Variants in TRA2A observed in about 807,000 individuals in gnomAD.
The protein encoded by TRA2A is transformer 2 alpha homolog, also known as transformer-2 protein homolog alpha.
A neutral mutation model predicts 45.7 loss-of-function variants in TRA2A; 31 were observed. The observed-to-expected ratio is 0.68, with a 90% CI of 0.51 to 0.92. TRA2A has a LOEUF of 0.92. Among genes scored for constraint, TRA2A ranks in the 40% least tolerant of loss-of-function variants. The pLI, the probability that TRA2A is intolerant of heterozygous loss-of-function variation, is 0.00. For missense variants in TRA2A, 304 were observed against 367.5 expected (o/e 0.83, Z 1.41); for synonymous variants, 132 against 126.2 (o/e 1.05, Z -0.31).
At chr7:23,509,072 C>A (rs1475137442) in intron 4 of TRA2A, among the ~76,000 whole-genome samples, 1 of 151,888 alleles carries the variant, frequency 6.6e-6, no homozygotes. Flanking sequence ...TCTCAAACTC[C>A]TGGGCTCAAG....
At chr7:23,528,882 T>A (rs539787539) in intron 1 of TRA2A, among the ~76,000 whole-genome samples, 1 of 151,826 alleles carries the variant, frequency 6.6e-6, no homozygotes, top group African/African-American at 2.4e-5. Context: ...CCAGAAGAAA[T>A]CCTGAAAAGG....
rs377361159 is a variant in TRA2A at position 23,517,911 on chromosome 7, CAACAAACA to C, written c.171-1391_171-1384del. Among the ~76,000 whole-genome samples the C allele has an allele frequency of 2.7e-4, 41 of 150,560 alleles. 1 individual carries two copies. The highest frequency in any genetic ancestry group is 7.5e-4 in the African/African-American group (31 of 41,120). ...TGGGAACAAGCACAAAACTCTGTCTCAACAAACAAACAAACAAACAAAATCCTTTTTGA... is the reference window on the plus strand; with the variant it reads ...TGGGAACAAGCACAAAACTCTGTCTCAACAAACAAACAAAATCCTTTTTGA... On this transcript the variant is annotated intron_variant, in intron 2 of 7. Transcript: ENST00000297071.
rs909259568 is a variant in TRA2A at position 23,520,018 on chromosome 7, G to A, written c.170+1689C>T. ...CGAGGTGGGCGGATCACCTGAGGCA[G>A]GAGTACAAGACCAGCCTGGCCAACA... On this transcript the variant is annotated intron_variant, in intron 2 of 7. Transcript: ENST00000297071. Among the ~76,000 whole-genome samples, 6 of 152,204 alleles carry A rather than the reference G, an allele frequency of 3.9e-5. No homozygotes were observed. The East Asian group carries it at 5.8e-4, about 15-fold the overall frequency.
intron 1 of TRA2A, among the ~76,000 whole-genome samples, chr7:23,529,457 A>G (rs1042629165): frequency 4.6e-5 from 7 of 152,032 alleles, no homozygotes; most frequent in Non-Finnish European, 8.8e-5. Context: ...ACAGGGTTTC[A>G]CCACGTTGGG....
intron 1 of TRA2A, chr7:23,531,330 C>T (rs1790573180): frequency 1.2e-6 from 1 of 859,898 alleles, no homozygotes; most frequent in African/African-American, 1.8e-5. Flanking sequence ...CTTCTCCCCG[C>T]CCGGAAAGCA....
chr7:23,521,029 G>A (rs1322158176), intron 2 of TRA2A, among the ~76,000 whole-genome samples: 2 of 152,020 alleles, frequency 1.3e-5, no homozygotes, highest in African/African-American at 2.4e-5. Context: ...AGTACACCTG[G>A]GGCATTTGAC....
intron 4 of TRA2A, among the ~76,000 whole-genome samples, chr7:23,509,112 G>A (rs1789476920): frequency 6.6e-6 from 1 of 152,022 alleles, no homozygotes; most frequent in African/African-American, 2.4e-5. Flanking sequence ...GCTGGGATTA[G>A]AGGCATGAGC....
chr7:23,516,495 G>A lies in TRA2A; in HGVS notation c.204C>T (p.Tyr68=). Residue 68 remains tyrosine, a synonymous_variant, in exon 3 of 8, where the codon TAC becomes TAT. Coordinates refer to ENST00000297071, the MANE Select transcript of TRA2A (RefSeq NM_013293.5). ...AGTGAGAGTGGGATCTGGATCGAGTGTAACGTCTATGAGAATGTCTCCTTG... is the reference window on the plus strand; with the variant it reads ...AGTGAGAGTGGGATCTGGATCGAGTATAACGTCTATGAGAATGTCTCCTTG... ...SRSRRHSHRR[Y]TRSRSHSHSH... is the part of the protein sequence containing the mutation. 1 of 1,614,214 alleles carries A rather than the reference G, an allele frequency of 6.2e-7. No individual in the cohort carries two copies. Among genetic ancestry groups the A allele is most frequent in the Non-Finnish European group, 8.5e-7 (1 of 1,180,026 alleles).
chr7:23,508,638 G>A (rs1789450275), intron 4 of TRA2A, among the ~76,000 whole-genome samples: 1 of 152,122 alleles, frequency 6.6e-6, no homozygotes, highest in Non-Finnish European at 1.5e-5. Flanking sequence ...GGGACTACAG[G>A]CATGCGCCAC....
chr7:23,522,262 T>C (rs1203566275), intron 1 of TRA2A: 4 of 1,110,670 alleles, frequency 3.6e-6, no homozygotes, highest in Non-Finnish European at 4.4e-6. Context: ...CAATTCAAAA[T>C]AGCCTTAAAA....
Position 23,505,936 on chromosome 7 carries a change from TTC to T in TRA2A, c.771-125_771-124del, listed in dbSNP as rs766101472. On this transcript the variant is annotated intron_variant, in intron 6 of 7. Coordinates refer to ENST00000297071, the MANE Select transcript of TRA2A (RefSeq NM_013293.5). ...AAGGTGATAACTACTTAATATTAAG[TTC>T]TCTTTCTGCCAATGAGACCAGAAAA... The T allele has an allele frequency of 6.7e-4, 478 of 710,304 alleles. 1 individual carries two copies. The highest frequency in any genetic ancestry group is 9.5e-4 in the Non-Finnish European group (424 of 444,546). The allele number at this position is 710,304 out of a possible 1,614,324, so 44.0% of individuals were successfully genotyped here.
At position 23,506,262 on chromosome 7, in the gene TRA2A, C is replaced by T; in HGVS notation, c.646G>A (p.Gly216Ser). 1 of 1,604,716 alleles carries T rather than the reference C, an allele frequency of 6.2e-7. No individual in the cohort carries two copies. The change falls in exon 6 of 8, where the codon GGT (glycine) becomes AGT (serine). Residue 216 changes from glycine (G) to serine (S), a missense_variant. Transcript: ENST00000297071. ...CCGCCGCCTCCTCCACCACCCCCAC[C>T]ACTACTGCAGAAAAATGTAAAAATT... ...GIYMGRPTHS[G>S]GGGGGGGGGG...
intron 2 of TRA2A, among the ~76,000 whole-genome samples, chr7:23,520,182 C>G (rs997712388): frequency 6.6e-6 from 1 of 152,226 alleles, no homozygotes; most frequent in African/African-American, 2.4e-5. Context: ...TGCCACTGCA[C>G]TGCAGGCTGG....
intron 1 of TRA2A, among the ~76,000 whole-genome samples, chr7:23,530,029 G>C (rs1168765026): frequency 6.6e-6 from 1 of 151,936 alleles, no homozygotes; most frequent in East Asian, 1.9e-4. Flanking sequence ...CCCTCCAGTA[G>C]TCCTCTTCAC....
At chr7:23,520,718 A>T (rs1201549740) in intron 2 of TRA2A, among the ~76,000 whole-genome samples, 13 of 141,966 alleles carry the variant, frequency 9.2e-5, no homozygotes, top group Admixed American at 2.2e-4. Context: ...AAAAAGAAAG[A>T]GTCTCTCTGT....
chr7:23,521,698 C>G lies in TRA2A; in HGVS notation c.170+9G>C. The G allele has an allele frequency of 6.2e-7, 1 of 1,613,876 alleles. No homozygotes were observed. Among genetic ancestry groups the G allele is most frequent in the Non-Finnish European group, 8.5e-7 (1 of 1,179,856 alleles). On this transcript the variant is annotated intron_variant, in intron 2 of 7. Transcript: ENST00000297071. ...AGAATATTTTAAGTATTATCTTAAA[C>G]ACACTTACCTGGATTTTGATCTTGA... is the stretch of plus-strand genomic sequence containing the variant.
Position 23,510,476 on chromosome 7 carries a change from G to A in TRA2A, c.525+2418C>T, listed in dbSNP as rs118109591. On this transcript the variant is annotated intron_variant, in intron 4 of 7. Coordinates refer to ENST00000297071, the MANE Select transcript of TRA2A (RefSeq NM_013293.5). ...TCCCGAGTAGCTTGGGGTTACAGGC[G>A]CTTGCCACAATGCCCGGCTAATTTT... Among the ~76,000 whole-genome samples, 934 of 151,424 alleles carry A rather than the reference G, an allele frequency of 6.2e-3. 57 individuals are homozygous for A. In the East Asian group the frequency reaches 0.16, roughly 26 times the overall value.
chr7:23,522,556 TAAAAAAAAAA>T (rs35027244), intron 1 of TRA2A: 1 of 134,426 alleles, frequency 7.4e-6, no homozygotes, highest in East Asian at 2.2e-4. Context: ...CTAGTTTATT[TAAAAAAAAAA>T]AAAAAAAACA....
At chr7:23,526,967 A>G (rs987330614) in intron 1 of TRA2A, among the ~76,000 whole-genome samples, 7 of 152,170 alleles carry the variant, frequency 4.6e-5, no homozygotes, top group Non-Finnish European at 1.0e-4. Flanking sequence ...CACCTGTAAA[A>G]TTTATAATCT....
Sources: gnomAD v4.1 joint callset for allele counts (sites outside exome capture counted in the v4.1 genomes callset) on GRCh38, gnomAD v4.1.1 for gene constraint, MANE v1.5 for transcripts, NCBI Gene and HGNC (gene_info 2026-07-23, HGNC 2026-07-21) for gene names.